The following CNBD1 variants were observed in gnomAD, a reference collection of about 807,000 sequenced individuals.
CNBD1 encodes cyclic nucleotide-binding domain-containing protein 1.
In CNBD1, 71 loss-of-function variants were observed where a neutral mutation model predicts 54.4. The ratio of observed to expected loss-of-function variants is 1.30; its 90% CI spans 1.08 to 1.59. The LOEUF is 1.59. Among genes scored for constraint, CNBD1 ranks in the 40% most tolerant of loss-of-function variants. The pLI is 0.00. For synonymous variants in CNBD1, 182 were observed against 170.7 expected (o/e 1.07, Z -0.51); for missense variants, 659 against 518.0 (o/e 1.27, Z -2.64).
At chr8:87,102,855 C>T (rs1407510369) in intron 4 of CNBD1, among the ~76,000 whole-genome samples, 1 of 152,054 alleles carries the variant, frequency 6.6e-6, no homozygotes, top group Admixed American at 6.6e-5. Flanking sequence ...ACTTCGTGAT[C>T]CGCCCGCCTC....
chr8:86,872,036 T>C (rs1044591523), intron 1 of CNBD1, among the ~76,000 whole-genome samples: 6 of 152,352 alleles, frequency 3.9e-5, no homozygotes, highest in Admixed American at 3.3e-4. Context: ...TCATCTGTAG[T>C]GCTTTCTAGT....
intron 8 of CNBD1, among the ~76,000 whole-genome samples, chr8:87,315,099 G>A (rs1809355526): frequency 6.6e-6 from 1 of 151,788 alleles, no homozygotes; most frequent in African/African-American, 2.4e-5. Context: ...TATTTTAGTG[G>A]ACAGATTAAT....
At chr8:87,375,567 C>T (rs1810910814) in intron 10 of CNBD1, among the ~76,000 whole-genome samples, 1 of 151,770 alleles carries the variant, frequency 6.6e-6, no homozygotes, top group African/African-American at 2.4e-5. Context: ...AGGTATCACA[C>T]AGATTCTATT....
At chr8:87,160,366 C>T (rs2130758522) in intron 4 of CNBD1, among the ~76,000 whole-genome samples, 1 of 151,990 alleles carries the variant, frequency 6.6e-6, no homozygotes, top group East Asian at 1.9e-4. Context: ...TGGCTGTAGT[C>T]TATAATATCA....
intron 4 of CNBD1, among the ~76,000 whole-genome samples, chr8:86,965,855 A>C (rs1808058948): frequency 1.3e-5 from 2 of 152,052 alleles, no homozygotes; most frequent in South Asian, 2.1e-4. Flanking sequence ...TCATCCGTGG[A>C]GCCTTCAGTT....
intron 4 of CNBD1, among the ~76,000 whole-genome samples, chr8:87,158,860 T>A (rs1030998608): frequency 6.6e-6 from 1 of 152,204 alleles, no homozygotes; most frequent in Non-Finnish European, 1.5e-5. Context: ...CCATTTTTAA[T>A]GCACACTTTT....
chr8:87,394,783 T>G (rs952103417), intron 2 of CNBD1, among the ~76,000 whole-genome samples: 1 of 152,066 alleles, frequency 6.6e-6, no homozygotes, highest in Admixed American at 6.6e-5. Flanking sequence ...TCTGTTTGGT[T>G]AAGTTTTATA....
rs1586297836 is a variant in CNBD1 at position 87,160,139 on chromosome 8, C to T, written c.432-45854C>T. Among the ~76,000 whole-genome samples the T allele has an allele frequency of 2.6e-5, 4 of 152,000 alleles. No individual in the cohort carries two copies. The Middle Eastern group carries it at 0.01, about 390-fold the overall frequency. ...GATGATTATCATATCATTTGAAGTG[C>T]TTTTCACTGTAAGTTACTTTTATGG... On this transcript the variant is annotated intron_variant, in intron 4 of 10. Coordinates refer to ENST00000518476, the MANE Select transcript of CNBD1 (RefSeq NM_173538.3).
Position 86,866,425 on chromosome 8 carries a change from C to T in CNBD1, c.-71C>T. The T allele has an allele frequency of 3.7e-6, 4 of 1,071,588 alleles. No homozygotes were observed. The South Asian group carries it at 5.5e-5, about 15-fold the overall frequency. 66.4% of individuals were successfully genotyped at this position (1,071,588 alleles called of 1,614,324 possible). On this transcript the variant is annotated 5_prime_UTR_variant, in exon 1 of 11. Transcript: ENST00000518476. ...GGACCTTGAAGTTCTGCTTTATGAG[C>T]CTGCAGGCAAAGAGTGATCATTTGC...
At chr8:87,084,829 C>T (rs1811065882) in intron 4 of CNBD1, among the ~76,000 whole-genome samples, 1 of 152,032 alleles carries the variant, frequency 6.6e-6, no homozygotes, top group South Asian at 2.1e-4. Context: ...GCATGTGCCA[C>T]CATGCCCAGC....
chr8:86,926,890 CTG>C (rs1809370043), intron 3 of CNBD1, among the ~76,000 whole-genome samples: 1 of 152,156 alleles, frequency 6.6e-6, no homozygotes, highest in South Asian at 2.1e-4. Flanking sequence ...CCATTCCTAA[CTG>C]TGTAAGTAGG....
intron 6 of CNBD1, among the ~76,000 whole-genome samples, chr8:87,239,855 G>A (rs1807657309): frequency 6.6e-6 from 1 of 151,850 alleles, no homozygotes; most frequent in Admixed American, 6.6e-5. Flanking sequence ...CATTGAAGCT[G>A]AAAGCTTTTT....
intron 4 of CNBD1, among the ~76,000 whole-genome samples, chr8:87,111,507 T>G (rs1402182071): frequency 1.3e-5 from 2 of 151,934 alleles, no homozygotes; most frequent in Non-Finnish European, 2.9e-5. Context: ...ACTTGGGGAG[T>G]CACTTCTGTA....
At chr8:87,230,192 G>A (rs1189988370) in intron 5 of CNBD1, among the ~76,000 whole-genome samples, 2 of 152,082 alleles carry the variant, frequency 1.3e-5, no homozygotes, top group Non-Finnish European at 2.9e-5. Flanking sequence ...GAACAGCATC[G>A]AGAGGATGGT....
rs115582760 is a variant in CNBD1 at position 87,361,679 on chromosome 8, T to C, written c.1303+7893T>C. 6.6e-3 allele frequency among the ~76,000 whole-genome samples: 916 copies of C among 138,206 alleles called. 9 individuals are homozygous for C. Among genetic ancestry groups the C allele is most frequent in the African/African-American group, 0.023 (860 of 37,574 alleles). 90.7% of individuals were successfully genotyped at this position (138,206 alleles called of 152,430 possible). The stretch of plus-strand genomic sequence containing the variant: ...GTTCATGGGGATCATTCCAACAAAA[T>C]AGTTGGATGAATATATATATATATA... On this transcript the variant is annotated intron_variant, in intron 10 of 10. Transcript: ENST00000518476.
At chr8:87,087,262 C>G (rs1274423105) in intron 4 of CNBD1, among the ~76,000 whole-genome samples, 1 of 135,102 alleles carries the variant, frequency 7.4e-6, no homozygotes, top group African/African-American at 2.9e-5. Flanking sequence ...TATATATATA[C>G]ATATATATAT....
chr8:87,195,451 C>T (rs1241055562), intron 4 of CNBD1, among the ~76,000 whole-genome samples: 1 of 151,760 alleles, frequency 6.6e-6, no homozygotes, highest in East Asian at 1.9e-4. Flanking sequence ...TGGTCTTGAA[C>T]TCCTGACCTC....
intron 4 of CNBD1, among the ~76,000 whole-genome samples, chr8:87,012,131 C>T (rs1315563514): frequency 6.6e-6 from 1 of 152,084 alleles, no homozygotes; most frequent in Non-Finnish European, 1.5e-5. Flanking sequence ...TAAGTGAACA[C>T]TGAAAAATGG....
intron 8 of CNBD1, among the ~76,000 whole-genome samples, chr8:87,302,945 C>T (rs1046454966): frequency 6.6e-6 from 1 of 151,658 alleles, no homozygotes; most frequent in African/African-American, 2.4e-5. Context: ...TGAAGGACCT[C>T]TTCAAGGAGA....
Sources: allele counts gnomAD v4.1 joint callset (sites outside exome capture counted in the v4.1 genomes callset), GRCh38; gene constraint gnomAD v4.1.1; transcripts MANE v1.5; gene names NCBI Gene and HGNC (gene_info 2026-07-23, HGNC 2026-07-21).